SHISA9: variants seen among roughly 807,000 people sequenced by gnomAD.
SHISA9 encodes shisa family member 9.
In SHISA9, 13 loss-of-function variants were observed where a neutral mutation model predicts 38.0. The ratio of observed to expected loss-of-function variants is 0.34; its 90% CI spans 0.22 to 0.54. The LOEUF (loss-of-function observed/expected upper bound fraction) is 0.54. SHISA9 is among the 20% of genes least tolerant of loss of function. The pLI, the probability that SHISA9 is intolerant of heterozygous loss-of-function variation, is 0.91. For missense variants in SHISA9, 538 were observed against 575.8 expected, an observed-to-expected ratio of 0.93 and a Z score of 0.67; for synonymous variants, 275 against 242.0, an observed-to-expected ratio of 1.14 and a Z score of -1.27.
intron 2 of SHISA9, among the ~76,000 whole-genome samples, chr16:13,132,782 A>T (rs1361700892): frequency 6.6e-6 from 1 of 152,230 alleles, no homozygotes; most frequent in East Asian, 1.9e-4. Context: ...CACTGATAAG[A>T]TGAATTGAAG....
At chr16:13,266,773 C>T in the SHISA9 span, among the ~76,000 whole-genome samples, 1 of 152,126 alleles carries the variant, frequency 6.6e-6, no homozygotes, top group African/African-American at 2.4e-5. Flanking sequence ...GGCCCTTGCA[C>T]ATCAAGGAGG....
At chr16:12,981,745 C>A (rs555776381) in intron 2 of SHISA9, among the ~76,000 whole-genome samples, 4 of 152,128 alleles carry the variant, frequency 2.6e-5, no homozygotes, top group Middle Eastern at 3.4e-3. Context: ...GGGTCTTTAA[C>A]GAGGTAATTA....
At chr16:13,224,394 C>T (rs1176537805) in intron 4 of SHISA9, among the ~76,000 whole-genome samples, 1 of 152,186 alleles carries the variant, frequency 6.6e-6, no homozygotes, top group East Asian at 1.9e-4. Flanking sequence ...ACCTGAGCTC[C>T]AGCCCTTCAA....
At chr16:13,103,930 T>C (rs251918) in intron 2 of SHISA9, among the ~76,000 whole-genome samples, 34,575 of 152,026 alleles carry the variant, frequency 0.23, 4,146 homozygotes, top group Non-Finnish European at 0.26. Context: ...TTCTGGGATA[T>C]ACGCCACTCT....
the SHISA9 span, among the ~76,000 whole-genome samples, chr16:13,248,978 G>T: frequency 6.6e-6 from 1 of 152,104 alleles, no homozygotes; most frequent in Non-Finnish European, 1.5e-5. Flanking sequence ...CCTATGAGTC[G>T]AGTCATTCAC....
chr16:12,991,003 C>A (rs893024618), intron 2 of SHISA9, among the ~76,000 whole-genome samples: 4 of 152,172 alleles, frequency 2.6e-5, no homozygotes, highest in Non-Finnish European at 5.9e-5. Context: ...CTTCCAACAA[C>A]AGAATCTATT....
chr16:13,045,433 C>T (rs2073175764), intron 2 of SHISA9, among the ~76,000 whole-genome samples: 1 of 152,160 alleles, frequency 6.6e-6, no homozygotes, highest in African/African-American at 2.4e-5. Context: ...AGATATCTTA[C>T]CATACTGTCT....
At chr16:13,499,904 T>C in the SHISA9 span, among the ~76,000 whole-genome samples, 1 of 152,216 alleles carries the variant, frequency 6.6e-6, no homozygotes, top group Admixed American at 6.5e-5. Flanking sequence ...AGGAACGATG[T>C]GCCTGGTACT....
At chr16:13,306,469 G>A in the SHISA9 span, among the ~76,000 whole-genome samples, 1 of 152,214 alleles carries the variant, frequency 6.6e-6, no homozygotes. Flanking sequence ...GAGAGACAGA[G>A]AGATAATGAT....
chr16:12,940,013 C>T (rs78588344), intron 2 of SHISA9, among the ~76,000 whole-genome samples: 2,656 of 152,244 alleles, frequency 0.017, 17 homozygotes, highest in Middle Eastern at 0.034. Context: ...ATCCAACCAA[C>T]GAATTCTTAC....
chr16:13,138,763 C>T (rs1407777129), intron 2 of SHISA9, among the ~76,000 whole-genome samples: 1 of 152,176 alleles, frequency 6.6e-6, no homozygotes, highest in African/African-American at 2.4e-5. Flanking sequence ...GAGTCATTTT[C>T]CCCCATTCAT....
chr16:13,003,883 T>TAAGAAGAAG (rs201617457), intron 2 of SHISA9, among the ~76,000 whole-genome samples: 24 of 147,212 alleles, frequency 1.6e-4, no homozygotes, highest in Admixed American at 3.4e-4. Context: ...ATAATAATAA[T>TAAGAAGAAG]AATAATAAGA....
At chr16:13,193,015 T>A (rs1361500240) in intron 2 of SHISA9, among the ~76,000 whole-genome samples, 1 of 152,050 alleles carries the variant, frequency 6.6e-6, no homozygotes, top group Non-Finnish European at 1.5e-5. Flanking sequence ...TGGCCAGCAG[T>A]TTTCTCATCT....
chr16:13,153,117 C>T (rs188932508), intron 2 of SHISA9, among the ~76,000 whole-genome samples: 8 of 152,208 alleles, frequency 5.3e-5, no homozygotes, highest in South Asian at 4.2e-4. Flanking sequence ...GAAAGGAACA[C>T]GGCTTTGCTG....
intron 2 of SHISA9, among the ~76,000 whole-genome samples, chr16:13,003,501 A>G (rs1439884962): frequency 6.6e-6 from 1 of 152,184 alleles, no homozygotes; most frequent in Non-Finnish European, 1.5e-5. Context: ...CGGGCATGAA[A>G]AGTCCCATTA....
rs2051370391 is a variant in SHISA9, at chr16:13,235,201, C to T, written c.1067C>T (p.Pro356Leu). 2 of 1,551,770 alleles carry T rather than the reference C, an allele frequency of 1.3e-6. No individual in the cohort carries two copies. The part of the protein sequence containing the change: ...NGQKSRTNKM[P>L]PHPLAYTSTT... Reference sequence around the variant, plus strand: ...CAGAAGTCCCGCACCAACAAGATGCCCCCACATCCCCTGGCCTACACCTCT... The same window carrying T: ...CAGAAGTCCCGCACCAACAAGATGCTCCCACATCCCCTGGCCTACACCTCT... The change falls in exon 5 of 5, where the codon CCC (proline) becomes CTC (leucine). Residue 356 changes from proline (P) to leucine (L), a missense_variant. Physicochemically the swap from Pro to Leu is moderately conservative, Grantham distance 98. This residue lies in a region of SHISA9 where 326 missense variants were observed against 305.9 expected (regional missense o/e 1.07). Transcript: ENST00000558583.
chr16:13,434,370 A>G, the SHISA9 span, among the ~76,000 whole-genome samples: 2 of 151,278 alleles, frequency 1.3e-5, no homozygotes, highest in South Asian at 2.1e-4. Context: ...CTTCAATCCA[A>G]TCAAATTGGC....
chr16:13,187,998 G>C (rs759140585), intron 2 of SHISA9, among the ~76,000 whole-genome samples: 5 of 152,126 alleles, frequency 3.3e-5, no homozygotes, highest in Non-Finnish European at 5.9e-5. Context: ...CTCCAACCGT[G>C]GGGGAAGTGT....
chr16:13,469,320 G>GAGAAAAGAAAGAAAGAAAGAAAGAA, the SHISA9 span, among the ~76,000 whole-genome samples: 21 of 61,612 alleles, frequency 3.4e-4, no homozygotes, highest in Admixed American at 1.1e-3. Flanking sequence ...GAGAGAGAGA[G>GAGAAAAGAAAGAAAGAAAGAAAGAA]AGAAAGAAAG....
Sources: allele counts gnomAD v4.1 joint callset (sites outside exome capture counted in the v4.1 genomes callset), GRCh38; gene constraint gnomAD v4.1.1; regional missense constraint gnomAD v4.1.1; transcripts MANE v1.5; gene names NCBI Gene and HGNC (gene_info 2026-07-23, HGNC 2026-07-21).